Variants in INTS9 observed in about 807,000 individuals in gnomAD.
INTS9 encodes integrator complex subunit 9, also known as protein related to CPSF subunits of 74 kDa.
Under a neutral mutation model 79.7 loss-of-function variants are expected in INTS9, and 55 were observed. That is an observed-to-expected ratio of 0.69 (90% CI 0.56 to 0.86). INTS9 has a LOEUF of 0.86. Ranked by LOEUF, INTS9 falls within the 40% of genes least tolerant of loss-of-function variation. The pLI, the probability that INTS9 is intolerant of heterozygous loss-of-function variation, is 0.00. For missense variants in INTS9, 721 were observed against 831.5 expected (o/e 0.87, Z 1.64); for synonymous variants, 319 against 325.2 (o/e 0.98, Z 0.20).
intron 9 of INTS9, 83 bp from the exon 10 acceptor site, chr8:28,794,070 C>T (rs371843615): frequency 1.8e-6 from 2 of 1,142,052 alleles, no homozygotes; most frequent in East Asian, 2.6e-5. Context: ...ATAAGATTTG[C>T]ACTTGTTTTC....
intron 6 of INTS9, among the ~76,000 whole-genome samples, chr8:28,814,161 A>C (rs566552544): frequency 6.6e-6 from 1 of 152,168 alleles, no homozygotes; most frequent in South Asian, 2.1e-4. Context: ...CAAAAGAATC[A>C]GGAGACCTGA....
intron 10 of INTS9, among the ~76,000 whole-genome samples, chr8:28,789,634 C>T (rs1383657288): frequency 6.6e-6 from 1 of 152,176 alleles, no homozygotes; most frequent in Non-Finnish European, 1.5e-5. Flanking sequence ...TGGCTCAGGA[C>T]TGTAATCCCA....
intron 2 of INTS9, among the ~76,000 whole-genome samples, chr8:28,850,586 C>G (rs1807778459): frequency 6.6e-6 from 1 of 152,194 alleles, no homozygotes; most frequent in Non-Finnish European, 1.5e-5. Flanking sequence ...ATCACCCTGT[C>G]TTCTTTCCCA....
chr8:28,790,484 T>C (rs1480851501), intron 10 of INTS9, among the ~76,000 whole-genome samples: 1 of 152,096 alleles, frequency 6.6e-6, no homozygotes, highest in African/African-American at 2.4e-5. Flanking sequence ...TGCACCACCA[T>C]ACCCTGCTAA....
rs188013426 is a variant in INTS9 at position 28,829,529 on chromosome 8, T to C, written c.488+5763A>G. On this transcript the variant is annotated intron_variant, in intron 6 of 16. Transcript: ENST00000521022. ...ATTCAAGCTAACTTCAAATGATTTA[T>C]GAGAATTTGTCAGATTCTTCTGAGT... Among the ~76,000 whole-genome samples the C allele has an allele frequency of 3.9e-4, 59 of 152,362 alleles. 2 individuals carry two copies. The South Asian group carries it at 5.0e-3, about 13-fold the overall frequency.
At chr8:28,784,783 C>T (rs1172902648) in intron 11 of INTS9, among the ~76,000 whole-genome samples, 1 of 152,168 alleles carries the variant, frequency 6.6e-6, no homozygotes, top group African/African-American at 2.4e-5. Flanking sequence ...ACAGTACAAC[C>T]ATCAAAAGCA....
intron 1 of INTS9, among the ~76,000 whole-genome samples, chr8:28,871,341 A>G (rs1809083370): frequency 6.6e-6 from 1 of 152,212 alleles, no homozygotes. Flanking sequence ...GAAAATCTTT[A>G]TTATGGAATC....
At chr8:28,868,596 C>T (rs978897459) in intron 1 of INTS9, among the ~76,000 whole-genome samples, 4 of 152,164 alleles carry the variant, frequency 2.6e-5, no homozygotes, top group Middle Eastern at 3.2e-3. Context: ...TCTAACTTTG[C>T]TGATACATTG....
intron 8 of INTS9, among the ~76,000 whole-genome samples, chr8:28,808,952 CTTT>C (rs10712912): frequency 3.5e-5 from 5 of 144,670 alleles, no homozygotes; most frequent in Non-Finnish European, 1.5e-5. Flanking sequence ...GCCATTATAA[CTTT>C]TTTTTTTTTT....
intron 8 of INTS9, among the ~76,000 whole-genome samples, chr8:28,800,118 G>C (rs1804439722): frequency 6.6e-6 from 1 of 152,210 alleles, no homozygotes; most frequent in Non-Finnish European, 1.5e-5. Flanking sequence ...ACAGGACTCT[G>C]AAGCTCCGTG....
rs764318557 is a variant in INTS9 at position 28,837,766 on chromosome 8, ATTAGCTCCG to A, written c.263_271del (p.Thr88_Leu90del). 6.2e-7 allele frequency: 1 copy of A among 1,613,174 alleles called. No homozygotes were observed. The highest frequency in any genetic ancestry group is 8.5e-7 in the Non-Finnish European group (1 of 1,179,282). ...AATCACATCTACTGTAGACAGATCT[ATTAGCTCCG>A]TCTGAAAAGAAAGGGAGGGAATGAT... is the stretch of plus-strand genomic sequence containing the variant. On this transcript the variant is annotated inframe_deletion and splice_region_variant, in exon 5 of 17. Coordinates refer to ENST00000521022, the MANE Select transcript of INTS9 (RefSeq NM_018250.4).
At chr8:28,801,014 T>C (rs564545428) in intron 8 of INTS9, among the ~76,000 whole-genome samples, 1 of 152,316 alleles carries the variant, frequency 6.6e-6, no homozygotes, top group East Asian at 1.9e-4. Context: ...CCATGGACTA[T>C]TAGTAGCTCA....
chr8:28,851,452 T>G (rs1207819739), intron 2 of INTS9, among the ~76,000 whole-genome samples: 1 of 151,434 alleles, frequency 6.6e-6, no homozygotes, highest in South Asian at 2.1e-4. Flanking sequence ...TGTTGTTGTT[T>G]TTTGAGACAG....
chr8:28,788,263 C>G (rs1193746930), intron 10 of INTS9, among the ~76,000 whole-genome samples: 1 of 152,186 alleles, frequency 6.6e-6, no homozygotes, highest in Non-Finnish European at 1.5e-5. Context: ...CAATGACAAT[C>G]AACTAAACTC....
intron 1 of INTS9, among the ~76,000 whole-genome samples, chr8:28,877,668 A>G (rs117823330): frequency 0.042 from 6,464 of 152,258 alleles, 210 homozygotes; most frequent in Non-Finnish European, 0.065. Flanking sequence ...TTGGTTAGAT[A>G]AATTATGGTA....
At position 28,775,902 on chromosome 8, in the gene INTS9, G is replaced by A. The variant is rs1563241783; in HGVS notation, c.1420C>T (p.Gln474Ter). Residue 474 changes from glutamine to a stop codon, truncating the protein, a stop_gained, in exon 14 of 17, where the codon CAG becomes TAG. Coordinates refer to ENST00000521022, the MANE Select transcript of INTS9 (RefSeq NM_018250.4). LOFTEE classifies it high-confidence loss of function. ...VQPLHVVCPE[Q>*]YTQPPPAQSH... ...TGGGCTGGGGGCGGCTGAGTGTACT[G>A]CTCAGGACACACCACGTGCAGGGGC... The A allele has an allele frequency of 2.5e-6, 4 of 1,590,602 alleles. No individual in the cohort carries two copies. Among genetic ancestry groups the A allele is most frequent in the Middle Eastern group, 3.4e-4 (2 of 5,908 alleles).
chr8:28,827,373 A>C (rs1185121991), intron 6 of INTS9, among the ~76,000 whole-genome samples: 1 of 152,218 alleles, frequency 6.6e-6, no homozygotes, highest in East Asian at 1.9e-4. Flanking sequence ...TTAAATATTA[A>C]AACTTTTAAG....
At chr8:28,862,101 G>C in intron 1 of INTS9, 1 of 985,456 alleles carries the variant, frequency 1.0e-6, no homozygotes. Context: ...CACTTGTACA[G>C]GAGGCGCTTG....
chr8:28,786,235 T>C (rs1803580847), intron 11 of INTS9, among the ~76,000 whole-genome samples: 1 of 152,190 alleles, frequency 6.6e-6, no homozygotes, highest in Admixed American at 6.5e-5. Context: ...TCCATGCTAT[T>C]GTTGATGGGA....
Sources: gnomAD v4.1 joint callset for allele counts (sites outside exome capture counted in the v4.1 genomes callset) on GRCh38, gnomAD v4.1.1 for gene constraint, MANE v1.5 for transcripts, NCBI Gene and HGNC (gene_info 2026-07-23, HGNC 2026-07-21) for gene names.